PTTG1IP: variants seen among roughly 807,000 people sequenced by gnomAD.
PTTG1IP encodes the protein pituitary tumor-transforming gene 1 protein-interacting protein.
Under a neutral mutation model 24.4 loss-of-function variants are expected in PTTG1IP, and 16 were observed. The ratio of observed to expected loss-of-function variants is 0.66; its 90% CI spans 0.44 to 1.00. PTTG1IP has a LOEUF of 1.00. PTTG1IP is among the 50% of genes least tolerant of loss of function. The pLI is 0.00. For synonymous variants in PTTG1IP, 89 were observed against 96.8 expected (o/e 0.92, Z 0.47); for missense variants, 241 against 245.8 (o/e 0.98, Z 0.13).
intron 3 of PTTG1IP, among the ~76,000 whole-genome samples, chr21:44,858,699 C>T (rs2083467393): frequency 6.6e-6 from 1 of 152,236 alleles, no homozygotes; most frequent in South Asian, 2.1e-4. Flanking sequence ...TGTGTCCATC[C>T]ACTTCTGCAG....
At chr21:44,858,992 G>A (rs1239837936) in intron 3 of PTTG1IP, among the ~76,000 whole-genome samples, 2 of 152,144 alleles carry the variant, frequency 1.3e-5, no homozygotes, top group African/African-American at 4.8e-5. Flanking sequence ...TATGCTCCGT[G>A]ACACAGCAAC....
intron 3 of PTTG1IP, among the ~76,000 whole-genome samples, chr21:44,860,941 T>A (rs2083486403): frequency 6.6e-6 from 1 of 151,970 alleles, no homozygotes; most frequent in Admixed American, 6.6e-5. Context: ...GTAGCTGGGA[T>A]TACAAGTGCA....
Position 44,865,460 on chromosome 21 carries a change from G to A in PTTG1IP, c.116-13C>T. On this transcript the variant is annotated splice_polypyrimidine_tract_variant and intron_variant, in intron 1 of 5. Transcript: ENST00000330938. ...TTCTGAGAACAAGCTGCAGGAAAGA[G>A]GCAAGAGACAAGTCAGTCACTGAGA... The A allele has an allele frequency of 6.2e-7, 1 of 1,614,068 alleles. No individual in the cohort carries two copies. Among genetic ancestry groups the A allele is most frequent in the Non-Finnish European group, 8.5e-7 (1 of 1,179,914 alleles).
chr21:44,865,692 C>A, intron 1 of PTTG1IP: 1 of 590,068 alleles, frequency 1.7e-6, no homozygotes, highest in Non-Finnish European at 3.0e-6. Context: ...CGGCTCCTAT[C>A]CACAAGGGCT....
intron 1 of PTTG1IP, 100 bp from the exon 2 acceptor site, chr21:44,865,547 C>A: frequency 8.5e-7 from 1 of 1,179,574 alleles, no homozygotes; most frequent in South Asian, 1.3e-5. Flanking sequence ...GGTGTGGCAC[C>A]AAGAACCTCT....
intron 1 of PTTG1IP, chr21:44,865,872 C>T (rs910150999): frequency 7.9e-5 from 20 of 253,966 alleles, no homozygotes; most frequent in East Asian, 5.7e-4. Context: ...GCCACAGCAA[C>T]GCCAGCGACA....
intron 4 of PTTG1IP, among the ~76,000 whole-genome samples, chr21:44,855,764 C>T (rs1180108744): frequency 6.6e-6 from 1 of 152,148 alleles, no homozygotes; most frequent in Non-Finnish European, 1.5e-5. Flanking sequence ...CTGGGGTTGC[C>T]CCAGAGCCCC....
At chr21:44,871,797 C>G (rs950842062) in intron 1 of PTTG1IP, among the ~76,000 whole-genome samples, 1 of 152,158 alleles carries the variant, frequency 6.6e-6, no homozygotes, top group Non-Finnish European at 1.5e-5. Flanking sequence ...CAACATGACA[C>G]GGCACCATTC....
At chr21:44,852,859 C>T (rs1277145702) in intron 5 of PTTG1IP, among the ~76,000 whole-genome samples, 2 of 152,220 alleles carry the variant, frequency 1.3e-5, no homozygotes, top group African/African-American at 4.8e-5. Flanking sequence ...TGCTTTCTCG[C>T]ACTCTCCCAT....
intron 5 of PTTG1IP, 39 bp downstream of exon 5, chr21:44,855,171 C>T: frequency 6.3e-7 from 1 of 1,578,424 alleles, no homozygotes; most frequent in African/African-American, 1.3e-5. Context: ...GTGCCATCGC[C>T]TCCCAACCAG....
chr21:44,853,171 C>CGCGTGT (rs1037304519), intron 5 of PTTG1IP, among the ~76,000 whole-genome samples: 1 of 151,918 alleles, frequency 6.6e-6, no homozygotes, highest in Non-Finnish European at 1.5e-5. Context: ...TGCGTGTGTG[C>CGCGTGT]GCGTGTGCGT....
At chr21:44,870,525 CA>C (rs60436978) in intron 1 of PTTG1IP, among the ~76,000 whole-genome samples, 7 of 76,968 alleles carry the variant, frequency 9.1e-5, no homozygotes, top group South Asian at 6.2e-4. Context: ...GACTCCATCT[CA>C]AAAAAAAAAA....
At chr21:44,865,362 G>A (rs771579306) in intron 2 of PTTG1IP, 33 bp downstream of exon 2, 12 of 1,607,684 alleles carry the variant, frequency 7.5e-6, no homozygotes, top group South Asian at 3.3e-5. Flanking sequence ...CGGTCTGGAC[G>A]GCACTCTGGT....
In PTTG1IP at chr21:44,859,579, C is replaced by T. The variant is rs541903977; in HGVS notation, c.277+1584G>A. On this transcript the variant is annotated intron_variant, in intron 3 of 5. Coordinates refer to ENST00000330938, the MANE Select transcript of PTTG1IP (RefSeq NM_004339.4). Reference sequence around the variant, plus strand: ...AGCTACATGCCATTAAAAACACCTCCAGAACAGGTGTTCCAAAGGGCAAGG... The same window carrying T: ...AGCTACATGCCATTAAAAACACCTCTAGAACAGGTGTTCCAAAGGGCAAGG... 5.9e-5 allele frequency among the ~76,000 whole-genome samples: 9 copies of T among 152,314 alleles called. No homozygotes were observed. In the South Asian group the frequency reaches 8.3e-4, roughly 14 times the overall value.
At chr21:44,864,247 G>A (rs116777060) in intron 2 of PTTG1IP, among the ~76,000 whole-genome samples, 1,852 of 152,300 alleles carry the variant, frequency 0.012, 36 homozygotes, top group African/African-American at 0.041. Context: ...CAGGTTTCCC[G>A]TGCTGATTTC....
Position 44,863,262 on chromosome 21 carries a change from G to A in PTTG1IP, c.169-1991C>T, listed in dbSNP as rs1449749608. ...CAGCAGCAGAGACACAGCCCGCCAC[G>A]GCCTCGGCAACACAGAGACACACAG... On this transcript the variant is annotated intron_variant, in intron 2 of 5. Coordinates refer to ENST00000330938, the MANE Select transcript of PTTG1IP (RefSeq NM_004339.4). Among the ~76,000 whole-genome samples the A allele has an allele frequency of 5.6e-5, 7 of 124,598 alleles. 1 individual carries two copies. Among genetic ancestry groups the A allele is most frequent in the Admixed American group, 1.6e-4 (2 of 12,882 alleles). The allele number at this position is 124,598 out of a possible 152,430, so 81.7% of individuals were successfully genotyped here.
intron 5 of PTTG1IP, among the ~76,000 whole-genome samples, chr21:44,854,192 A>C (rs2083431951): frequency 6.6e-6 from 1 of 152,216 alleles, no homozygotes; most frequent in Non-Finnish European, 1.5e-5. Context: ...CGACGTCCTC[A>C]TGCCCCCAGT....
intron 2 of PTTG1IP, among the ~76,000 whole-genome samples, chr21:44,865,043 A>G (rs930387458): frequency 5.9e-5 from 9 of 152,134 alleles, no homozygotes; most frequent in Non-Finnish European, 1.3e-4. Context: ...CTGCAGCCCG[A>G]CAGCCTGGGA....
chr21:44,869,328 TGAA>T (rs1042668541), intron 1 of PTTG1IP, among the ~76,000 whole-genome samples: 3 of 152,256 alleles, frequency 2.0e-5, no homozygotes, highest in African/African-American at 7.2e-5. Flanking sequence ...ATTTCAGTTA[TGAA>T]GAAGAACAGC....
Sources: allele counts gnomAD v4.1 joint callset (sites outside exome capture counted in the v4.1 genomes callset), GRCh38; gene constraint gnomAD v4.1.1; transcripts MANE v1.5; gene names NCBI Gene and HGNC (gene_info 2026-07-23, HGNC 2026-07-21).